RPS6KA6: variants seen among roughly 807,000 people sequenced by gnomAD.
RPS6KA6 encodes the protein ribosomal protein S6 kinase A6.
RPS6KA6 carries 27 observed loss-of-function variants against 65.4 expected under a neutral mutation model. That is an observed-to-expected ratio of 0.41 (90% CI 0.30 to 0.57). The LOEUF is 0.57. RPS6KA6 is among the 20% of genes least tolerant of loss of function. The probability of loss-of-function intolerance (pLI) is 0.24; values close to 1 mark genes in which losing one functional copy is unlikely to be tolerated. For missense variants in RPS6KA6, 486 were observed against 555.6 expected (o/e 0.87, Z 1.26); for synonymous variants, 190 against 184.2 (o/e 1.03, Z -0.26).
chrX:84,131,149 G>A (rs1429859424), intron 8 of RPS6KA6, among the ~76,000 whole-genome samples: 3 of 111,549 alleles, frequency 2.7e-5, no homozygotes, highest in African/African-American at 6.5e-5. Flanking sequence ...CAAGACACGG[G>A]ATAGTCCCAA....
chrX:84,080,205 C>A (rs992129212), intron 20 of RPS6KA6, among the ~76,000 whole-genome samples: 2 of 103,891 alleles, frequency 1.9e-5, no homozygotes, highest in Non-Finnish European at 3.9e-5. Flanking sequence ...TGTTCTGCAG[C>A]CTCTGCTGGT....
At chrX:84,071,834 T>C (rs1383996335) in intron 20 of RPS6KA6, among the ~76,000 whole-genome samples, 1 of 111,363 alleles carries the variant, frequency 9.0e-6, no homozygotes, top group African/African-American at 3.3e-5. Flanking sequence ...TTGGAACACC[T>C]AGAAGAAATT....
Position 84,061,045 on chromosome X carries a change from T to G in RPS6KA6, c.*3232A>C, listed in dbSNP as rs1335748814. The G allele has an allele frequency of 8.9e-6, 1 of 111,748 alleles. No individual in the cohort carries two copies. Among genetic ancestry groups the G allele is most frequent in the African/African-American group, 3.2e-5 (1 of 30,773 alleles). 9.2% of individuals were successfully genotyped at this position (111,748 alleles called of 1,213,427 possible). On this transcript the variant is annotated 3_prime_UTR_variant, in exon 22 of 22. Coordinates refer to ENST00000262752, the MANE Select transcript of RPS6KA6 (RefSeq NM_014496.5). ...GAATCCTTCTGGGGATAGGGTAAAT[T>G]TCGTTGATGGAGTATTGCTGTGAGG...
intron 12 of RPS6KA6, among the ~76,000 whole-genome samples, chrX:84,115,427 G>A (rs1434907044): frequency 1.8e-5 from 2 of 111,809 alleles, no homozygotes; most frequent in African/African-American, 3.2e-5. Flanking sequence ...TCAGTCAGGA[G>A]GGCTTTTATT....
chrX:84,173,901 C>T (rs16979797), intron 1 of RPS6KA6, among the ~76,000 whole-genome samples: 4,123 of 111,338 alleles, frequency 0.037, 190 homozygotes, highest in African/African-American at 0.13. Context: ...TTTTGGTCAA[C>T]GTGAAATGAA....
At chrX:84,169,608 T>C (rs1318685726) in intron 1 of RPS6KA6, among the ~76,000 whole-genome samples, 1 of 111,567 alleles carries the variant, frequency 9.0e-6, no homozygotes, top group African/African-American at 3.3e-5. Flanking sequence ...GAAAGATATA[T>C]TGAAACTTAG....
chrX:84,075,419 T>C lies in RPS6KA6; in HGVS notation c.1972-10308A>G, dbSNP rs188696941. 2.4e-4 allele frequency among the ~76,000 whole-genome samples: 27 copies of C among 111,671 alleles called. No individual in the cohort carries two copies. The East Asian group carries it at 7.3e-3, about 30-fold the overall frequency. ...TGTGAGACAACTTCACATGGTCTAATATATATATGCAGTTGAAGTCCCAGA... is the reference window on the plus strand; with the variant it reads ...TGTGAGACAACTTCACATGGTCTAACATATATATGCAGTTGAAGTCCCAGA... On this transcript the variant is annotated intron_variant, in intron 20 of 21. Transcript: ENST00000262752.
At chrX:84,133,444 T>A (rs180813710) in intron 8 of RPS6KA6, among the ~76,000 whole-genome samples, 1 of 111,768 alleles carries the variant, frequency 8.9e-6, no homozygotes, top group Non-Finnish European at 1.9e-5. Context: ...ACATGCTTTG[T>A]GTCCCTTGCT....
chrX:84,171,747 G>A (rs973433454), intron 1 of RPS6KA6, among the ~76,000 whole-genome samples: 13 of 111,089 alleles, frequency 1.2e-4, no homozygotes, highest in Middle Eastern at 9.5e-3. Context: ...ATGTGCCATG[G>A]TGGCTTGCTC....
chrX:84,157,800 G>A (rs1281829513), intron 2 of RPS6KA6, among the ~76,000 whole-genome samples: 1 of 110,702 alleles, frequency 9.0e-6, no homozygotes, highest in Non-Finnish European at 1.9e-5. Context: ...GAAACAAATT[G>A]TACTATAGTT....
chrX:84,166,361 C>G (rs923870383), intron 1 of RPS6KA6, among the ~76,000 whole-genome samples: 2 of 111,086 alleles, frequency 1.8e-5, no homozygotes, highest in African/African-American at 6.5e-5. Flanking sequence ...AATAAACACA[C>G]CTGAATGAAA....
chrX:84,180,047 TAA>T (rs1158685967), intron 1 of RPS6KA6, among the ~76,000 whole-genome samples: 7 of 111,818 alleles, frequency 6.3e-5, no homozygotes, highest in Non-Finnish European at 1.3e-4. Context: ...TAAGAAAAAC[TAA>T]AAGTCATTTG....
rs180812757 is a variant in RPS6KA6, at chrX:84,060,288, T to C, written c.*3989A>G. On this transcript the variant is annotated 3_prime_UTR_variant, in exon 22 of 22. Coordinates refer to ENST00000262752, the MANE Select transcript of RPS6KA6 (RefSeq NM_014496.5). ...ACAAAAATGTTTTAAAGAAGTTTAA[T>C]TGCAGTTGGCCAATATATACTTAAT... 9.0e-6 allele frequency: 1 copy of C among 110,603 alleles called. No individual in the cohort carries two copies. Among genetic ancestry groups the C allele is most frequent in the East Asian group, 2.8e-4 (1 of 3,547 alleles). The allele number at this position is 110,603 out of a possible 1,213,427, so 9.1% of individuals were successfully genotyped here. A position where few individuals can be genotyped will look rare whatever the true frequency, so the allele number is the denominator to read the frequency against.
chrX:84,061,490 A>G lies in RPS6KA6; in HGVS notation c.*2787T>C, dbSNP rs1477680275. On this transcript the variant is annotated 3_prime_UTR_variant, in exon 22 of 22. Coordinates refer to ENST00000262752, the MANE Select transcript of RPS6KA6 (RefSeq NM_014496.5). ...GTCTAACAAAATAGGCTGAAGTTTG[A>G]TCTTTGTGAAAGGACTTGAAACCAT... The G allele has an allele frequency of 5.7e-5, 6 of 104,645 alleles. No homozygotes were observed. The highest frequency in any genetic ancestry group is 3.2e-4 in the Admixed American group (3 of 9,278). The allele number at this position is 104,645 out of a possible 1,213,427, so 8.6% of individuals were successfully genotyped here.
At chrX:84,186,394 G>A (rs1033192533) in intron 1 of RPS6KA6, among the ~76,000 whole-genome samples, 2 of 111,846 alleles carry the variant, frequency 1.8e-5, no homozygotes, top group East Asian at 2.8e-4. Flanking sequence ...AGACTTGCTA[G>A]ACAATTGTGC....
chrX:84,101,322 T>C (rs1391230820), intron 18 of RPS6KA6, among the ~76,000 whole-genome samples: 1 of 111,241 alleles, frequency 9.0e-6, no homozygotes, highest in East Asian at 2.8e-4. Flanking sequence ...CTATGGAAAT[T>C]GCTACTGTCA....
chrX:84,113,299 C>T (rs1340969837), intron 12 of RPS6KA6, among the ~76,000 whole-genome samples: 1 of 111,485 alleles, frequency 9.0e-6, no homozygotes, highest in African/African-American at 3.3e-5. Flanking sequence ...GGGAATCCTT[C>T]CTAATTAATT....
chrX:84,134,748 A>C (rs771942368), intron 8 of RPS6KA6, 34 bp downstream of exon 8: 3 of 943,551 alleles, frequency 3.2e-6, no homozygotes, highest in Non-Finnish European at 2.9e-6. Flanking sequence ...ATATGAATCA[A>C]GTGGCTAAGG....
At chrX:84,079,653 C>A (rs1462065915) in intron 20 of RPS6KA6, among the ~76,000 whole-genome samples, 4 of 111,194 alleles carry the variant, frequency 3.6e-5, no homozygotes, top group African/African-American at 9.8e-5. Context: ...GGGGCGTCCA[C>A]CATCATTGAG....
Sources: gnomAD v4.1 joint callset for allele counts (sites outside exome capture counted in the v4.1 genomes callset) on GRCh38, gnomAD v4.1.1 for gene constraint, MANE v1.5 for transcripts, NCBI Gene and HGNC (gene_info 2026-07-23, HGNC 2026-07-21) for gene names.